Variants in ASIC2 observed in about 807,000 individuals in gnomAD.
ASIC2 encodes acid-sensing ion channel 2.
ASIC2 carries 25 observed loss-of-function variants against 57.3 expected under a neutral mutation model. The observed-to-expected ratio is 0.44, with a 90% CI of 0.32 to 0.61. The LOEUF (loss-of-function observed/expected upper bound fraction) is 0.61, where lower values mean the gene tolerates loss of function less well. Among genes scored for constraint, ASIC2 ranks in the 20% least tolerant of loss-of-function variants. ASIC2 has a pLI of 0.06. For synonymous variants in ASIC2, 319 were observed against 307.5 expected, an observed-to-expected ratio of 1.04 and a Z score of -0.39; for missense variants, 641 against 738.1, an observed-to-expected ratio of 0.87 and a Z score of 1.52.
At chr17:33,935,770 C>A (rs1486726342) in intron 1 of ASIC2, 1 of 152,188 alleles carries the variant, frequency 6.6e-6, no homozygotes. Flanking sequence ...TTGTGCTGTG[C>A]GCTTTAGCCA....
At chr17:33,214,634 C>A (rs1907408022) in intron 1 of ASIC2, among the ~76,000 whole-genome samples, 1 of 151,956 alleles carries the variant, frequency 6.6e-6, no homozygotes, top group East Asian at 1.9e-4. Context: ...TGTTGAAATG[C>A]AGATTCTGAT....
chr17:33,700,816 G>A (rs1039027378), intron 1 of ASIC2, among the ~76,000 whole-genome samples: 1 of 152,138 alleles, frequency 6.6e-6, no homozygotes, highest in Non-Finnish European at 1.5e-5. Context: ...AGAGATGGGA[G>A]GGTCCATGGA....
rs1401789469 is a variant in ASIC2 at position 33,371,348 on chromosome 17, C to G, written c.556-259281G>C. ...GATGGAGTCGCTCTGGTTCAAATGC[C>G]TCTGACACATGTATGTGCTTGTGTG... is the stretch of plus-strand genomic sequence containing the variant. On this transcript the variant is annotated intron_variant, in intron 1 of 9. Transcript: ENST00000359872. 2.0e-5 allele frequency among the ~76,000 whole-genome samples: 3 copies of G among 152,218 alleles called. No individual in the cohort carries two copies. In the East Asian group the frequency reaches 5.8e-4, roughly 29 times the overall value.
chr17:33,657,855 C>T (rs575732659), intron 1 of ASIC2, among the ~76,000 whole-genome samples: 79 of 151,494 alleles, frequency 5.2e-4, no homozygotes, highest in African/African-American at 1.6e-3. Flanking sequence ...AATCCAACAG[C>T]GATCTAATAA....
At chr17:34,111,213 G>A (rs1420878835) in intron 1 of ASIC2, among the ~76,000 whole-genome samples, 3 of 150,320 alleles carry the variant, frequency 2.0e-5, no homozygotes, top group Non-Finnish European at 4.4e-5. Flanking sequence ...GCAACATAGC[G>A]AGACTCCATC....
chr17:33,577,343 C>T (rs1455327589), intron 1 of ASIC2, among the ~76,000 whole-genome samples: 1 of 152,148 alleles, frequency 6.6e-6, no homozygotes, highest in Non-Finnish European at 1.5e-5. Flanking sequence ...GAAGCATTTC[C>T]TTGTCAGAAA....
At chr17:33,682,650 G>A (rs1241033592) in intron 1 of ASIC2, among the ~76,000 whole-genome samples, 1 of 151,238 alleles carries the variant, frequency 6.6e-6, no homozygotes, top group Non-Finnish European at 1.5e-5. Context: ...TGCATGTTCT[G>A]CTGAGCCAGT....
At chr17:33,772,154 T>C (rs1911131561) in intron 1 of ASIC2, among the ~76,000 whole-genome samples, 1 of 152,162 alleles carries the variant, frequency 6.6e-6, no homozygotes, top group Non-Finnish European at 1.5e-5. Context: ...AAAAATATTC[T>C]ATGTAAAAAT....
At chr17:33,158,181 T>C (rs1357447890) in intron 1 of ASIC2, among the ~76,000 whole-genome samples, 1 of 152,254 alleles carries the variant, frequency 6.6e-6, no homozygotes, top group Non-Finnish European at 1.5e-5. Context: ...GTTTATTGTC[T>C]GTCTTCTGTG....
intron 1 of ASIC2, among the ~76,000 whole-genome samples, chr17:33,452,776 T>TGA (rs1912305551): frequency 1.3e-5 from 2 of 151,386 alleles, no homozygotes; most frequent in African/African-American, 2.4e-5. Flanking sequence ...TGTGTGTGTG[T>TGA]GATAGCCTTT....
At chr17:34,097,629 T>C (rs1910594819) in intron 1 of ASIC2, among the ~76,000 whole-genome samples, 1 of 152,186 alleles carries the variant, frequency 6.6e-6, no homozygotes, top group African/African-American at 2.4e-5. Context: ...TATTTTTAAA[T>C]TTGTACTTCT....
chr17:33,562,495 C>T (rs945758605), intron 1 of ASIC2, among the ~76,000 whole-genome samples: 22 of 152,158 alleles, frequency 1.4e-4, no homozygotes, highest in African/African-American at 4.6e-4. Flanking sequence ...TGTCTAGGAC[C>T]GATGGATGTC....
intron 1 of ASIC2, among the ~76,000 whole-genome samples, chr17:33,172,737 C>G (rs538983812): frequency 6.6e-6 from 1 of 152,272 alleles, no homozygotes; most frequent in South Asian, 2.1e-4. Flanking sequence ...AAAGTGTGGC[C>G]CCCAGACTGG....
At chr17:34,145,988 A>G (rs1912406455) in intron 1 of ASIC2, among the ~76,000 whole-genome samples, 1 of 152,262 alleles carries the variant, frequency 6.6e-6, no homozygotes, top group Non-Finnish European at 1.5e-5. Flanking sequence ...AACTTAGGAA[A>G]TGAGAATGCA....
chr17:33,121,434 G>A (rs34231372), intron 1 of ASIC2, among the ~76,000 whole-genome samples: 1 of 151,982 alleles, frequency 6.6e-6, no homozygotes, highest in African/African-American at 2.4e-5. Flanking sequence ...ATGGGGGGAT[G>A]GTGGTTTTCG....
At chr17:34,006,774 T>A (rs1906540099) in intron 1 of ASIC2, 1 of 152,162 alleles carries the variant, frequency 6.6e-6, no homozygotes, top group Non-Finnish European at 1.5e-5. Flanking sequence ...AGAGGGCAGA[T>A]TTACACTCCT....
At chr17:33,903,109 A>G (rs1915266252) in intron 1 of ASIC2, among the ~76,000 whole-genome samples, 1 of 152,220 alleles carries the variant, frequency 6.6e-6, no homozygotes, top group African/African-American at 2.4e-5. Context: ...TCAGCACCAT[A>G]AACACTGCAG....
chr17:33,484,178 T>C (rs1458437103), intron 1 of ASIC2, among the ~76,000 whole-genome samples: 2 of 152,250 alleles, frequency 1.3e-5, no homozygotes, highest in Non-Finnish European at 2.9e-5. Context: ...ATTTGTGTTG[T>C]TTTAAGACAT....
intron 1 of ASIC2, among the ~76,000 whole-genome samples, chr17:33,215,769 G>A (rs1483910328): frequency 3.3e-5 from 5 of 150,318 alleles, no homozygotes; most frequent in East Asian, 2.0e-4. Context: ...GCGCGATCTC[G>A]GCTCACTGCA....
Sources: allele counts gnomAD v4.1 joint callset (sites outside exome capture counted in the v4.1 genomes callset), GRCh38; gene constraint gnomAD v4.1.1; transcripts MANE v1.5; gene names NCBI Gene and HGNC (gene_info 2026-07-23, HGNC 2026-07-21).